CD2: variants seen among roughly 807,000 people sequenced by gnomAD.
CD2 encodes T-cell surface antigen CD2.
A neutral mutation model predicts 23.2 loss-of-function variants in CD2; 18 were observed. That is an observed-to-expected ratio of 0.77 (90% CI 0.54 to 1.15). The LOEUF is 1.15. Among genes scored for constraint, CD2 ranks in the 50% most tolerant of loss-of-function variants. The probability of loss-of-function intolerance (pLI) is 0.00; values close to 1 mark genes in which losing one functional copy is unlikely to be tolerated. For synonymous variants in CD2, 162 were observed against 151.9 expected (o/e 1.07, Z -0.49); for missense variants, 424 against 423.1 (o/e 1.00, Z -0.02).
rs1333467714 is a variant in CD2 at position 116,768,807 on chromosome 1, A to G, written c.*24A>G. ...AAAAAAGATAGAAACTGTCTTTTTC[A>G]ATAAAAAGCACTGTGGATTTCTGCC... is the stretch of plus-strand genomic sequence containing the variant. On this transcript the variant is annotated 3_prime_UTR_variant, in exon 5 of 5. Transcript: ENST00000369478. 6.3e-7 allele frequency: 1 copy of G among 1,586,836 alleles called. No homozygotes were observed.
intron 2 of CD2, among the ~76,000 whole-genome samples, chr1:116,756,989 CTCTTTTTTT>C (rs1557915536): frequency 6.9e-6 from 1 of 144,418 alleles, no homozygotes; most frequent in African/African-American, 2.7e-5. Context: ...CTCCAAGCTT[CTCTTTTTTT>C]TTTTTTTTTT....
chr1:116,765,252 C>G (rs544344168), intron 4 of CD2, among the ~76,000 whole-genome samples: 1 of 152,190 alleles, frequency 6.6e-6, no homozygotes, highest in Non-Finnish European at 1.5e-5. Flanking sequence ...ATGGCCAACC[C>G]GGGGTCACTG....
intron 2 of CD2, among the ~76,000 whole-genome samples, chr1:116,759,728 G>A (rs982411856): frequency 5.3e-5 from 8 of 152,204 alleles, no homozygotes; most frequent in Non-Finnish European, 1.2e-4. Context: ...GACCCTGTGA[G>A]CAACTGAGCA....
chr1:116,766,807 G>A (rs535646908), intron 4 of CD2, among the ~76,000 whole-genome samples: 1 of 152,150 alleles, frequency 6.6e-6, no homozygotes, highest in East Asian at 1.9e-4. Flanking sequence ...AGAATGCAGT[G>A]AGATACGATC....
In CD2 at chr1:116,754,920, G is replaced by A; in HGVS notation, c.351G>A (p.Val117=). 3 of 1,597,044 alleles carry A rather than the reference G, an allele frequency of 1.9e-6. No individual in the cohort carries two copies. The highest frequency in any genetic ancestry group is 1.4e-5 in the African/African-American group (1 of 73,930). The change falls in exon 2 of 5, where the codon GTG becomes GTA. Residue 117 remains valine, a synonymous_variant. Coordinates refer to ENST00000369478, the MANE Select transcript of CD2 (RefSeq NM_001767.5). The part of the protein sequence containing the change: ...VSIYDTKGKN[V]LEKIFDLKIQ... ...TATATGATACAAAAGGAAAAAATGT[G>A]TTGGAAAAAATATTTGATTTGAAGA...
chr1:116,755,829 C>T (rs985175303), intron 2 of CD2, among the ~76,000 whole-genome samples: 1 of 151,988 alleles, frequency 6.6e-6, no homozygotes, highest in Non-Finnish European at 1.5e-5. Flanking sequence ...AAAGTGGAAT[C>T]GAAATGCCAT....
At chr1:116,757,752 TAGAGAG>T (rs369185297) in intron 2 of CD2, among the ~76,000 whole-genome samples, 1 of 140,630 alleles carries the variant, frequency 7.1e-6, no homozygotes, top group Non-Finnish European at 1.6e-5. Context: ...TATATATATA[TAGAGAG>T]AGAGAGAGAG....
Position 116,754,434 on chromosome 1 carries a change from T to C in CD2, c.-59T>C. ...TCTCGGGGTGTGGACTCCACCAGTC[T>C]CACTTCAGTTCCTTTTGCATGAAGA... On this transcript the variant is annotated 5_prime_UTR_variant, in exon 1 of 5. Transcript: ENST00000369478. The C allele has an allele frequency of 6.9e-7, 1 of 1,451,028 alleles. No homozygotes were observed. The highest frequency in any genetic ancestry group is 1.4e-5 in the African/African-American group (1 of 70,922). The allele number at this position is 1,451,028 out of a possible 1,614,324, so 89.9% of individuals were successfully genotyped here.
At chr1:116,761,075 C>T (rs1463064132) in intron 3 of CD2, among the ~76,000 whole-genome samples, 3 of 152,120 alleles carry the variant, frequency 2.0e-5, no homozygotes, top group African/African-American at 4.8e-5. Flanking sequence ...GCTGCAGAAA[C>T]CCTGGGGGGC....
Position 116,768,870 on chromosome 1 carries a change from T to A in CD2, c.*87T>A. The A allele has an allele frequency of 1.5e-6, 2 of 1,330,964 alleles. No homozygotes were observed. Among genetic ancestry groups the A allele is most frequent in the African/African-American group, 1.5e-5 (1 of 67,752 alleles). The allele number at this position is 1,330,964 out of a possible 1,614,324, so 82.4% of individuals were successfully genotyped here. On this transcript the variant is annotated 3_prime_UTR_variant, in exon 5 of 5. Coordinates refer to ENST00000369478, the MANE Select transcript of CD2 (RefSeq NM_001767.5). ...ATATCCGTACTTCCATGAGGTGTTTTCTGTGTGCAGAACATTGTCACCTCC... is the reference window on the plus strand; with the variant it reads ...ATATCCGTACTTCCATGAGGTGTTTACTGTGTGCAGAACATTGTCACCTCC...
chr1:116,755,082 G>A (rs981830862), intron 2 of CD2, 131 bp downstream of exon 2: 1 of 653,872 alleles, frequency 1.5e-6, no homozygotes, highest in Non-Finnish European at 2.7e-6. Context: ...CCAGATGCAT[G>A]TCTCCTGCCC....
At chr1:116,755,412 G>C (rs1205388162) in intron 2 of CD2, among the ~76,000 whole-genome samples, 1 of 152,202 alleles carries the variant, frequency 6.6e-6, no homozygotes, top group Non-Finnish European at 1.5e-5. Flanking sequence ...AAAAGGGCTG[G>C]AAACAACATA....
At chr1:116,758,468 T>C (rs990880968) in intron 2 of CD2, among the ~76,000 whole-genome samples, 2 of 152,078 alleles carry the variant, frequency 1.3e-5, no homozygotes, top group Non-Finnish European at 2.9e-5. Context: ...AGTGTCAGAT[T>C]GCCCACTCCA....
chr1:116,758,736 C>A (rs558263235), intron 2 of CD2, among the ~76,000 whole-genome samples: 2 of 152,096 alleles, frequency 1.3e-5, no homozygotes, highest in African/African-American at 4.8e-5. Flanking sequence ...AGCATTGCGG[C>A]GGAAATAATG....
intron 4 of CD2, among the ~76,000 whole-genome samples, chr1:116,766,302 G>A (rs1652212614): frequency 6.6e-6 from 1 of 152,228 alleles, no homozygotes; most frequent in Non-Finnish European, 1.5e-5. Flanking sequence ...GGTGCACAGA[G>A]CCGTAGCCAA....
In CD2 at chr1:116,768,822, G is replaced by A; in HGVS notation, c.*39G>A. 1.9e-6 allele frequency: 3 copies of A among 1,562,070 alleles called. No homozygotes were observed. Among genetic ancestry groups the A allele is most frequent in the Non-Finnish European group, 2.6e-6 (3 of 1,150,152 alleles). ...TGTCTTTTTCAATAAAAAGCACTGTGGATTTCTGCCCTCCTGATGTGCATA... is the reference window on the plus strand; with the variant it reads ...TGTCTTTTTCAATAAAAAGCACTGTAGATTTCTGCCCTCCTGATGTGCATA... On this transcript the variant is annotated 3_prime_UTR_variant, in exon 5 of 5. Transcript: ENST00000369478.
chr1:116,764,406 G>A (rs1362398709), intron 3 of CD2, 78 bp from the exon 4 acceptor site: 1 of 1,559,022 alleles, frequency 6.4e-7, no homozygotes, highest in Non-Finnish European at 8.6e-7. Context: ...CTTGATGCAG[G>A]AGGCAGCATC....
chr1:116,762,950 G>T (rs1652102141), intron 3 of CD2, among the ~76,000 whole-genome samples: 1 of 152,210 alleles, frequency 6.6e-6, no homozygotes, highest in Non-Finnish European at 1.5e-5. Flanking sequence ...GATGGAGCTG[G>T]TGGCTGCATG....
At position 116,769,044 on chromosome 1, in the gene CD2, A is replaced by G. The variant is rs1652315547; in HGVS notation, c.*261A>G. The G allele has an allele frequency of 2.3e-6, 1 of 435,046 alleles. No homozygotes were observed. Among genetic ancestry groups the G allele is most frequent in the South Asian group, 3.9e-5 (1 of 25,562 alleles). The allele number at this position is 435,046 out of a possible 1,614,324, so 26.9% of individuals were successfully genotyped here. On this transcript the variant is annotated 3_prime_UTR_variant, in exon 5 of 5. Transcript: ENST00000369478. The stretch of plus-strand genomic sequence containing the variant: ...GCAAGAATGGTAGAGGACCGAGCAC[A>G]GAAATCTTAGAGATTTCTTGTCCCC...
Sources: allele counts gnomAD v4.1 joint callset (sites outside exome capture counted in the v4.1 genomes callset), GRCh38; gene constraint gnomAD v4.1.1; transcripts MANE v1.5; gene names NCBI Gene and HGNC (gene_info 2026-07-23, HGNC 2026-07-21).